Variants in KCNJ3 observed in about 807,000 individuals in gnomAD.
KCNJ3 encodes the protein potassium inwardly rectifying channel subfamily J member 3.
In KCNJ3, 4 loss-of-function variants were observed where a neutral mutation model predicts 39.2. That is an observed-to-expected ratio of 0.10 (90% CI 0.05 to 0.23). The LOEUF (loss-of-function observed/expected upper bound fraction) is 0.23. Ranked by LOEUF, KCNJ3 falls within the 10% of genes least tolerant of loss-of-function variation. The probability of loss-of-function intolerance (pLI) is 1.00; values close to 1 mark genes in which losing one functional copy is unlikely to be tolerated. For synonymous variants in KCNJ3, 230 were observed against 237.4 expected (o/e 0.97, Z 0.29); for missense variants, 276 against 634.9 (o/e 0.43, Z 6.08).
At chr2:154,840,742 T>C (rs1687560253) in intron 2 of KCNJ3, among the ~76,000 whole-genome samples, 1 of 152,190 alleles carries the variant, frequency 6.6e-6, no homozygotes, top group South Asian at 2.1e-4. Context: ...TGGTCTGTTA[T>C]TAGTGTATAG....
chr2:154,746,183 A>G (rs1685738708), intron 2 of KCNJ3, among the ~76,000 whole-genome samples: 1 of 152,022 alleles, frequency 6.6e-6, no homozygotes, highest in Non-Finnish European at 1.5e-5. Flanking sequence ...TCTCCAGATT[A>G]CTTTATTATA....
chr2:154,801,575 G>T (rs1574467720), intron 2 of KCNJ3, among the ~76,000 whole-genome samples: 3 of 111,714 alleles, frequency 2.7e-5, no homozygotes, highest in African/African-American at 3.4e-5. Flanking sequence ...TTCTTTCTCT[G>T]TCTCTCTCTT....
rs188373078 is a variant in KCNJ3 at position 154,780,698 on chromosome 2, A to G, written c.919+70879A>G. Among the ~76,000 whole-genome samples, 9 of 152,304 alleles carry G rather than the reference A, an allele frequency of 5.9e-5. No homozygotes were observed. The East Asian group carries it at 1.5e-3, about 26-fold the overall frequency. On this transcript the variant is annotated intron_variant, in intron 2 of 2. Coordinates refer to ENST00000295101, the MANE Select transcript of KCNJ3 (RefSeq NM_002239.4). ...TATGCTTAGGATTTTCTTGTTTCAT[A>G]CATATATATCATACATAAATGTTAT...
chr2:154,731,281 G>A (rs934868411), intron 2 of KCNJ3, among the ~76,000 whole-genome samples: 20 of 152,044 alleles, frequency 1.3e-4, no homozygotes, highest in South Asian at 2.1e-4. Flanking sequence ...TGGAGTTGCC[G>A]TATCATGAAG....
chr2:154,815,264 A>G (rs190660410), intron 2 of KCNJ3, among the ~76,000 whole-genome samples: 50 of 152,294 alleles, frequency 3.3e-4, no homozygotes, highest in African/African-American at 1.2e-3. Flanking sequence ...CTAAATCCTA[A>G]AAAGGTAAAC....
chr2:154,741,443 T>C (rs879826431), intron 2 of KCNJ3, among the ~76,000 whole-genome samples: 2 of 151,932 alleles, frequency 1.3e-5, no homozygotes, highest in Non-Finnish European at 2.9e-5. Context: ...TGAATTTTTT[T>C]TTTTCATTTA....
intron 2 of KCNJ3, among the ~76,000 whole-genome samples, chr2:154,797,652 A>G (rs938349130): frequency 1.3e-5 from 2 of 152,106 alleles, no homozygotes; most frequent in African/African-American, 4.8e-5. Flanking sequence ...ATATAAATAT[A>G]TTCATATAAA....
chr2:154,787,209 A>C (rs975166872), intron 2 of KCNJ3, among the ~76,000 whole-genome samples: 3 of 152,214 alleles, frequency 2.0e-5, no homozygotes, highest in African/African-American at 7.2e-5. Flanking sequence ...CGCATTTTCA[A>C]TAACACTTAG....
chr2:154,764,343 C>T (rs1438443972), intron 2 of KCNJ3, among the ~76,000 whole-genome samples: 2 of 152,124 alleles, frequency 1.3e-5, no homozygotes, highest in African/African-American at 2.4e-5. Context: ...GCTGCTTAGT[C>T]GCCAACACAA....
At chr2:154,788,323 A>G (rs1686569935) in intron 2 of KCNJ3, among the ~76,000 whole-genome samples, 1 of 152,182 alleles carries the variant, frequency 6.6e-6, no homozygotes, top group Admixed American at 6.6e-5. Flanking sequence ...TATTGTATTC[A>G]GCTGCTTTCT....
intron 2 of KCNJ3, among the ~76,000 whole-genome samples, chr2:154,788,847 GAGGCAGCATGCTGCATGA>G (rs1686580267): frequency 6.6e-6 from 1 of 151,314 alleles, no homozygotes; most frequent in Non-Finnish European, 1.5e-5. Flanking sequence ...TTCAAGAAGT[GAGGCAGCATGCTGCATGA>G]AAAAAAATGA....
At chr2:154,765,222 C>T (rs1366946141) in intron 2 of KCNJ3, among the ~76,000 whole-genome samples, 1 of 152,120 alleles carries the variant, frequency 6.6e-6, no homozygotes, top group Non-Finnish European at 1.5e-5. Context: ...GATTGAGAAC[C>T]ACTGCTTTAG....
chr2:154,708,145 G>A (rs1447567672), intron 1 of KCNJ3, among the ~76,000 whole-genome samples: 2 of 151,974 alleles, frequency 1.3e-5, no homozygotes, highest in Non-Finnish European at 2.9e-5. Context: ...ACACAAGTTA[G>A]AGAAGAAAAA....
chr2:154,849,928 A>T (rs1023025879), intron 2 of KCNJ3, among the ~76,000 whole-genome samples: 61 of 149,878 alleles, frequency 4.1e-4, no homozygotes, highest in African/African-American at 1.4e-3. Flanking sequence ...GGACATACTG[A>T]TACTGGAATA....
chr2:154,821,704 C>T (rs888719014), intron 2 of KCNJ3, among the ~76,000 whole-genome samples: 3 of 123,884 alleles, frequency 2.4e-5, no homozygotes, highest in African/African-American at 9.1e-5. Flanking sequence ...TTTAGTGGTG[C>T]GATCTCCGCT....
chr2:154,721,000 T>A (rs1389920257), intron 2 of KCNJ3, among the ~76,000 whole-genome samples: 1 of 151,460 alleles, frequency 6.6e-6, no homozygotes, highest in Non-Finnish European at 1.5e-5. Flanking sequence ...TCAGCATGTG[T>A]TATCTAGTTT....
intron 2 of KCNJ3, among the ~76,000 whole-genome samples, chr2:154,742,106 A>G (rs1292573118): frequency 6.6e-6 from 1 of 151,828 alleles, no homozygotes; most frequent in Non-Finnish European, 1.5e-5. Context: ...TAACTACTCT[A>G]AGTACCTCAT....
chr2:154,731,592 A>G (rs1199798471), intron 2 of KCNJ3, among the ~76,000 whole-genome samples: 3 of 151,954 alleles, frequency 2.0e-5, no homozygotes, highest in Admixed American at 6.6e-5. Flanking sequence ...TTAAATATAC[A>G]TAACTCATGC....
At chr2:154,739,922 C>A (rs1338035355) in intron 2 of KCNJ3, among the ~76,000 whole-genome samples, 1 of 151,970 alleles carries the variant, frequency 6.6e-6, no homozygotes, top group East Asian at 1.9e-4. Context: ...GCATTGTATC[C>A]TGTGGGGACA....
Sources: gnomAD v4.1 joint callset for allele counts (sites outside exome capture counted in the v4.1 genomes callset) on GRCh38, gnomAD v4.1.1 for gene constraint, MANE v1.5 for transcripts, NCBI Gene and HGNC (gene_info 2026-07-23, HGNC 2026-07-21) for gene names.